Variants in GRM7 observed in about 807,000 individuals in gnomAD.
GRM7 encodes glutamate metabotropic receptor 7, also known as metabotropic glutamate receptor 7.
Under a neutral mutation model 84.5 loss-of-function variants are expected in GRM7, and 35 were observed. The ratio of observed to expected loss-of-function variants is 0.41; its 90% CI spans 0.32 to 0.55. The LOEUF (loss-of-function observed/expected upper bound fraction) is 0.55. Ranked by LOEUF, GRM7 falls within the 20% of genes least tolerant of loss-of-function variation. GRM7 has a pLI of 0.19. For synonymous variants in GRM7, 487 were observed against 455.1 expected, an observed-to-expected ratio of 1.07 and a Z score of -0.89; for missense variants, 1,003 against 1,194.6, an observed-to-expected ratio of 0.84 and a Z score of 2.36.
chr3:6,966,118 C>T, intron 1 of GRM7, among the ~76,000 whole-genome samples: 1 of 152,160 alleles, frequency 6.6e-6, no homozygotes, highest in East Asian at 1.9e-4. Context: ...AGCCCAGGTC[C>T]TTCCGATGTT....
At chr3:7,099,155 G>A (rs1368437003) in intron 1 of GRM7, among the ~76,000 whole-genome samples, 3 of 150,594 alleles carry the variant, frequency 2.0e-5, no homozygotes, top group African/African-American at 4.9e-5. Context: ...GAAAACATTA[G>A]GCCCAAAGAA....
Position 6,950,289 on chromosome 3 carries a change from C to T in GRM7, c.519+88382C>T, listed in dbSNP as rs540650161. On this transcript the variant is annotated intron_variant, in intron 1 of 9. Coordinates refer to ENST00000357716, the MANE Select transcript of GRM7 (RefSeq NM_000844.4). ...TCCTTCTAATAGTCAGGACCCTCAGCTGCAGGTCTGTTGGAGTTTACTGGA... is the reference window on the plus strand; with the variant it reads ...TCCTTCTAATAGTCAGGACCCTCAGTTGCAGGTCTGTTGGAGTTTACTGGA... 5.3e-5 allele frequency among the ~76,000 whole-genome samples: 8 copies of T among 152,316 alleles called. No individual in the cohort carries two copies. In the East Asian group the frequency reaches 1.5e-3, roughly 29 times the overall value.
chr3:6,972,727 G>T (rs554438168), intron 1 of GRM7, among the ~76,000 whole-genome samples: 1 of 152,168 alleles, frequency 6.6e-6, no homozygotes, highest in Non-Finnish European at 1.5e-5. Context: ...CCTTAGAATC[G>T]TCTTGTGTTA....
intron 7 of GRM7, among the ~76,000 whole-genome samples, chr3:7,475,439 G>A (rs1297975242): frequency 1.3e-5 from 2 of 152,126 alleles, no homozygotes; most frequent in East Asian, 1.9e-4. Context: ...TACCCGATTC[G>A]TGTGCATATT....
At chr3:7,580,733 T>A (rs1695209641) in intron 8 of GRM7, among the ~76,000 whole-genome samples, 1 of 152,178 alleles carries the variant, frequency 6.6e-6, no homozygotes, top group Non-Finnish European at 1.5e-5. Flanking sequence ...AAAGTTCTTC[T>A]AAAATATACG....
intron 9 of GRM7, 110 bp from the exon 10 acceptor site, chr3:7,740,247 C>T (rs1575688365): frequency 2.9e-6 from 2 of 691,356 alleles, no homozygotes; most frequent in Non-Finnish European, 5.0e-6. Flanking sequence ...TTCTTCAGAG[C>T]TGTATCACCT....
intron 1 of GRM7, among the ~76,000 whole-genome samples, chr3:6,993,824 A>G (rs762945785): frequency 9.9e-5 from 15 of 152,182 alleles, no homozygotes; most frequent in Non-Finnish European, 2.1e-4. Flanking sequence ...GCTTTAATTT[A>G]TGTTCTTCCA....
intron 4 of GRM7, among the ~76,000 whole-genome samples, chr3:7,363,058 G>C (rs994063948): frequency 6.6e-6 from 1 of 152,040 alleles, no homozygotes. Context: ...GACATTTGAG[G>C]ATGCAGTGAG....
intron 1 of GRM7, among the ~76,000 whole-genome samples, chr3:6,881,361 A>G (rs1027232999): frequency 6.6e-6 from 1 of 152,062 alleles, no homozygotes; most frequent in Non-Finnish European, 1.5e-5. Flanking sequence ...CTCATTGTTC[A>G]GCTCCCATTT....
chr3:7,381,368 A>AT (rs982036041), intron 4 of GRM7, among the ~76,000 whole-genome samples: 1 of 152,058 alleles, frequency 6.6e-6, no homozygotes, highest in African/African-American at 2.4e-5. Context: ...TTCTGCCAGT[A>AT]TTTATTGAGT....
chr3:7,632,035 T>C (rs1697880350), intron 8 of GRM7, among the ~76,000 whole-genome samples: 1 of 152,170 alleles, frequency 6.6e-6, no homozygotes, highest in Admixed American at 6.5e-5. Flanking sequence ...TATAGGCGTG[T>C]TCCAGAACAA....
At chr3:7,215,776 A>G (rs779848668) in intron 2 of GRM7, among the ~76,000 whole-genome samples, 2 of 152,342 alleles carry the variant, frequency 1.3e-5, no homozygotes, top group Non-Finnish European at 2.9e-5. Flanking sequence ...CTTAAAGGCT[A>G]GACAAATGTA....
chr3:7,191,530 A>C (rs1431380004), intron 2 of GRM7, among the ~76,000 whole-genome samples: 1 of 152,016 alleles, frequency 6.6e-6, no homozygotes, highest in Non-Finnish European at 1.5e-5. Flanking sequence ...CAATGGATAA[A>C]TGAACAAACA....
intron 9 of GRM7, among the ~76,000 whole-genome samples, chr3:7,705,165 C>G (rs920935411): frequency 1.3e-5 from 2 of 152,246 alleles, no homozygotes; most frequent in South Asian, 4.1e-4. Context: ...ACTCTCCTAC[C>G]CATGTCATCC....
At chr3:7,472,261 A>C (rs1479687588) in intron 7 of GRM7, among the ~76,000 whole-genome samples, 1 of 152,160 alleles carries the variant, frequency 6.6e-6, no homozygotes, top group African/African-American at 2.4e-5. Flanking sequence ...CTAATTTATA[A>C]ATTACTCAGC....
chr3:7,151,522 C>A lies in GRM7; in HGVS notation c.736+4854C>A, dbSNP rs1694287923. On this transcript the variant is annotated intron_variant, in intron 2 of 9. Coordinates refer to ENST00000357716, the MANE Select transcript of GRM7 (RefSeq NM_000844.4). This position sits in a 1 kb window ranked among gnomAD's most constrained non-coding sequence, Gnocchi z 4.5. Reference sequence around the variant, plus strand: ...CTCTCTCCTTCACAGATACAATGTTCTATCTTGTGGTGTGCATTGCCCATT... The same window carrying A: ...CTCTCTCCTTCACAGATACAATGTTATATCTTGTGGTGTGCATTGCCCATT... 6.6e-6 allele frequency among the ~76,000 whole-genome samples: 1 copy of A among 152,158 alleles called. No homozygotes were observed. Among genetic ancestry groups the A allele is most frequent in the African/African-American group, 2.4e-5 (1 of 41,444 alleles).
At chr3:7,489,897 T>TG (rs560374931) in intron 7 of GRM7, among the ~76,000 whole-genome samples, 9 of 151,704 alleles carry the variant, frequency 5.9e-5, no homozygotes, top group Admixed American at 6.6e-5. Context: ...TTCATTAATT[T>TG]ATGATATTAT....
At chr3:7,067,488 A>G (rs1197839053) in intron 1 of GRM7, among the ~76,000 whole-genome samples, 1 of 152,066 alleles carries the variant, frequency 6.6e-6, no homozygotes, top group African/African-American at 2.4e-5. Context: ...AGACCTCTAC[A>G]AGGAAAACTA....
intron 1 of GRM7, among the ~76,000 whole-genome samples, chr3:7,042,206 G>T (rs1292704812): frequency 2.0e-5 from 3 of 151,928 alleles, no homozygotes; most frequent in Non-Finnish European, 4.4e-5. Context: ...GGGAGCTCTG[G>T]TTTATAGCCA....
Sources: allele counts gnomAD v4.1 joint callset (sites outside exome capture counted in the v4.1 genomes callset), GRCh38; gene constraint gnomAD v4.1.1; non-coding constraint Gnocchi (gnomAD v3.1); transcripts MANE v1.5; gene names NCBI Gene and HGNC (gene_info 2026-07-23, HGNC 2026-07-21).